DPYD: variants seen among roughly 807,000 people sequenced by gnomAD.
DPYD encodes the protein dihydropyrimidine dehydrogenase.
Under a neutral mutation model 116.2 loss-of-function variants are expected in DPYD, and 109 were observed. That is an observed-to-expected ratio of 0.94 (90% confidence interval 0.80 to 1.10). The LOEUF (loss-of-function observed/expected upper bound fraction) is 1.10, where lower values mean the gene tolerates loss of function less well. Ranked by LOEUF, DPYD falls within the 50% of genes least tolerant of loss-of-function variation. DPYD has a pLI of 0.00. For synonymous variants in DPYD, 440 were observed against 432.0 expected (o/e 1.02, Z -0.23); for missense variants, 1,302 against 1,254.5 (o/e 1.04, Z -0.57).
chr1:97,719,398 T>C (rs1211642728), intron 5 of DPYD, among the ~76,000 whole-genome samples: 1 of 151,972 alleles, frequency 6.6e-6, no homozygotes, highest in Non-Finnish European at 1.5e-5. Context: ...ACTATTGTAA[T>C]CTGCTTTCCT....
intron 8 of DPYD, among the ~76,000 whole-genome samples, chr1:97,602,776 A>T (rs1347276792): frequency 6.6e-6 from 1 of 151,742 alleles, no homozygotes; most frequent in Non-Finnish European, 1.5e-5. Flanking sequence ...AGAACAACAA[A>T]CCCTTTGGAC....
chr1:97,506,949 G>A (rs1045368274), intron 13 of DPYD, among the ~76,000 whole-genome samples: 8 of 151,984 alleles, frequency 5.3e-5, no homozygotes, highest in African/African-American at 1.9e-4. Context: ...AGACAGTGGT[G>A]TATTCATTAG....
At chr1:97,707,087 T>C (rs1300719107) in intron 5 of DPYD, among the ~76,000 whole-genome samples, 3 of 152,042 alleles carry the variant, frequency 2.0e-5, no homozygotes, top group East Asian at 3.9e-4. Flanking sequence ...AATTCGTATG[T>C]TGAAAACTAA....
chr1:97,416,746 G>C (rs1450099481), intron 14 of DPYD, among the ~76,000 whole-genome samples: 1 of 152,108 alleles, frequency 6.6e-6, no homozygotes, highest in East Asian at 1.9e-4. Context: ...AAATGCAAAA[G>C]TCTTGCTCCA....
At chr1:97,910,654 G>C (rs1168760700) in intron 1 of DPYD, among the ~76,000 whole-genome samples, 1 of 152,040 alleles carries the variant, frequency 6.6e-6, no homozygotes, top group Non-Finnish European at 1.5e-5. Flanking sequence ...TAATTCCAGA[G>C]TCTATACTCT....
At chr1:97,835,120 T>C (rs1393404076) in intron 2 of DPYD, among the ~76,000 whole-genome samples, 1 of 152,064 alleles carries the variant, frequency 6.6e-6, no homozygotes, top group East Asian at 1.9e-4. Context: ...GAGAATCTTA[T>C]ATGAGTCACA....
At chr1:97,434,494 G>A (rs556353334) in intron 14 of DPYD, among the ~76,000 whole-genome samples, 1 of 152,108 alleles carries the variant, frequency 6.6e-6, no homozygotes, top group Non-Finnish European at 1.5e-5. Context: ...TAATACCAGG[G>A]ATGCATAAAT....
chr1:97,216,096 C>G (rs986707053), intron 19 of DPYD, among the ~76,000 whole-genome samples: 13 of 152,186 alleles, frequency 8.5e-5, no homozygotes, highest in African/African-American at 3.1e-4. Flanking sequence ...ATTTTTCTTT[C>G]AACTGGAATT....
At chr1:97,459,447 G>A (rs1172820375) in intron 13 of DPYD, among the ~76,000 whole-genome samples, 1 of 151,994 alleles carries the variant, frequency 6.6e-6, no homozygotes, top group African/African-American at 2.4e-5. Context: ...ACAACAAACT[G>A]AGGAAAATAC....
At chr1:97,546,647 C>A in intron 12 of DPYD, 2 of 1,612,664 alleles carry the variant, frequency 1.2e-6, no homozygotes, top group Non-Finnish European at 1.7e-6. Context: ...CTTTACATTG[C>A]AGATAGGAAG....
intron 14 of DPYD, among the ~76,000 whole-genome samples, chr1:97,444,867 C>T (rs1178994076): frequency 6.6e-6 from 1 of 152,044 alleles, no homozygotes; most frequent in East Asian, 1.9e-4. Context: ...ACCAATCTTC[C>T]AAACTTTGGC....
At chr1:97,651,163 T>C (rs1404278355) in intron 8 of DPYD, among the ~76,000 whole-genome samples, 3 of 152,180 alleles carry the variant, frequency 2.0e-5, no homozygotes, top group Non-Finnish European at 4.4e-5. Flanking sequence ...ATACAAAATT[T>C]GAACATTTAA....
At position 97,206,651 on chromosome 1, in the gene DPYD, TATATATATATATA is replaced by T. The variant is rs1464816689; in HGVS notation, c.2443-13416_2443-13404del. Among the ~76,000 whole-genome samples, 47 of 54,538 alleles carry T rather than the reference TATATATATATATA, an allele frequency of 8.6e-4. 4 individuals carry two copies. The highest frequency in any genetic ancestry group is 1.4e-4 in the Non-Finnish European group (5 of 35,286). The allele number at this position is 54,538 out of a possible 152,430, so 35.8% of individuals were successfully genotyped here. ...AACAGGGAGATTTTATATATATATA[TATATATATATATA>T]TATATATATATATATATATATATAA... On this transcript the variant is annotated intron_variant, in intron 19 of 22. Coordinates refer to ENST00000370192, the MANE Select transcript of DPYD (RefSeq NM_000110.4).
chr1:97,295,812 A>G, intron 18 of DPYD: 1 of 951,814 alleles, frequency 1.1e-6, no homozygotes, highest in Non-Finnish European at 1.3e-6. Flanking sequence ...GGTATTGCTT[A>G]GTTGTCATAA....
intron 18 of DPYD, among the ~76,000 whole-genome samples, chr1:97,286,828 AT>A (rs907360994): frequency 1.3e-5 from 2 of 152,022 alleles, no homozygotes; most frequent in Admixed American, 6.6e-5. Context: ...CGTCTAAATT[AT>A]TTTCAAAATT....
chr1:97,362,278 A>G (rs1456452671), intron 16 of DPYD, among the ~76,000 whole-genome samples: 1 of 152,200 alleles, frequency 6.6e-6, no homozygotes, highest in Non-Finnish European at 1.5e-5. Flanking sequence ...GAGAACTACA[A>G]ACCACTGCTC....
At chr1:97,441,475 A>G (rs1273435812) in intron 14 of DPYD, among the ~76,000 whole-genome samples, 1 of 152,110 alleles carries the variant, frequency 6.6e-6, no homozygotes, top group African/African-American at 2.4e-5. Flanking sequence ...TTTCTTATGC[A>G]ATGCCTAAAG....
rs1667091769 is a variant in DPYD, at chr1:97,305,313, T to A, written c.2245A>T (p.Thr749Ser). 4 of 1,612,468 alleles carry A rather than the reference T, an allele frequency of 2.5e-6. No individual in the cohort carries two copies. ...SGLMGLKSDG[T>S]PWPAVGIAKR... ...GCAATCCCCACTGCTGGCCAAGGTG[T>A]GCCATCAGATTTTAATCCCATCAGA... The change falls in exon 18 of 23, where the codon ACA becomes TCA. Residue 749 changes from threonine to serine, a missense_variant. Coordinates refer to ENST00000370192, the MANE Select transcript of DPYD (RefSeq NM_000110.4).
intron 2 of DPYD, among the ~76,000 whole-genome samples, chr1:97,833,022 C>A (rs1018504245): frequency 1.3e-5 from 2 of 149,720 alleles, no homozygotes; most frequent in Non-Finnish European, 1.5e-5. Context: ...GAACAGCTAG[C>A]AAATTACATT....
Sources: gnomAD v4.1 joint callset for allele counts (sites outside exome capture counted in the v4.1 genomes callset) on GRCh38, gnomAD v4.1.1 for gene constraint, MANE v1.5 for transcripts, NCBI Gene and HGNC (gene_info 2026-07-23, HGNC 2026-07-21) for gene names.